The following PDE4B variants were observed in gnomAD, a reference collection of about 807,000 sequenced individuals.
PDE4B encodes phosphodiesterase 4B, also known as 3',5'-cyclic-AMP phosphodiesterase 4B.
A neutral mutation model predicts 82.2 loss-of-function variants in PDE4B; 20 were observed. The ratio of observed to expected loss-of-function variants is 0.24; its 90% CI spans 0.17 to 0.35. The LOEUF (loss-of-function observed/expected upper bound fraction) is 0.35. Ranked by LOEUF, PDE4B falls within the 10% of genes least tolerant of loss-of-function variation. The probability of loss-of-function intolerance (pLI) is 1.00; values close to 1 mark genes in which losing one functional copy is unlikely to be tolerated. For synonymous variants in PDE4B, 320 were observed against 318.9 expected, an observed-to-expected ratio of 1.00 and a Z score of -0.04; for missense variants, 655 against 907.2, an observed-to-expected ratio of 0.72 and a Z score of 3.57.
intron 3 of PDE4B, among the ~76,000 whole-genome samples, chr1:65,952,042 C>T (rs985267241): frequency 6.6e-6 from 1 of 151,960 alleles, no homozygotes; most frequent in African/African-American, 2.4e-5. Flanking sequence ...AAGTGTAGTC[C>T]GCACGTCAGA....
intron 3 of PDE4B, among the ~76,000 whole-genome samples, chr1:66,065,588 T>C (rs1655802658): frequency 6.6e-6 from 1 of 151,846 alleles, no homozygotes; most frequent in Non-Finnish European, 1.5e-5. Context: ...CTTCTTTGAC[T>C]TTCTCTGTGG....
chr1:66,299,604 T>C (rs1461714430), intron 7 of PDE4B, among the ~76,000 whole-genome samples: 1 of 152,206 alleles, frequency 6.6e-6, no homozygotes, highest in African/African-American at 2.4e-5. Flanking sequence ...TGTAATATGG[T>C]AATTCTATTT....
intron 6 of PDE4B, among the ~76,000 whole-genome samples, chr1:66,260,670 T>C (rs960311070): frequency 1.3e-5 from 2 of 152,170 alleles, no homozygotes; most frequent in Non-Finnish European, 2.9e-5. Flanking sequence ...TTTACCTCTG[T>C]TAGTAGTATC....
intron 7 of PDE4B, among the ~76,000 whole-genome samples, chr1:66,288,893 C>G (rs1053288560): frequency 5.3e-5 from 8 of 152,134 alleles, no homozygotes; most frequent in African/African-American, 1.9e-4. Flanking sequence ...TTGTCATGAT[C>G]CAGCTTTTTA....
intron 8 of PDE4B, 100 bp downstream of exon 8, chr1:66,332,720 A>G (rs1037221129): frequency 1.1e-6 from 1 of 877,910 alleles, no homozygotes; most frequent in African/African-American, 1.7e-5. Flanking sequence ...AATGCTACCA[A>G]CTCTAAGAAT....
At chr1:66,339,018 C>CAAAA (rs60064823) in intron 8 of PDE4B, among the ~76,000 whole-genome samples, 4 of 79,786 alleles carry the variant, frequency 5.0e-5, no homozygotes, top group African/African-American at 1.5e-4. Context: ...GACTCCGTCT[C>CAAAA]AAAAAAAAAA....
chr1:66,188,721 T>C (rs868356220), intron 3 of PDE4B, among the ~76,000 whole-genome samples: 2 of 151,874 alleles, frequency 1.3e-5, no homozygotes, highest in Admixed American at 6.6e-5. Flanking sequence ...TTTGAGCCTA[T>C]GTGTGTCTCT....
chr1:65,865,200 A>G (rs1646497384), intron 1 of PDE4B, among the ~76,000 whole-genome samples: 1 of 152,168 alleles, frequency 6.6e-6, no homozygotes, highest in African/African-American at 2.4e-5. Context: ...CGCCTACTCA[A>G]GCCTCAGTAA....
At chr1:66,129,778 G>C (rs1349620260) in intron 3 of PDE4B, among the ~76,000 whole-genome samples, 1 of 151,250 alleles carries the variant, frequency 6.6e-6, no homozygotes, top group Non-Finnish European at 1.5e-5. Flanking sequence ...TGTGTAAAAA[G>C]TGTGTGTGCT....
At chr1:66,059,914 A>C (rs1274251329) in intron 3 of PDE4B, among the ~76,000 whole-genome samples, 2 of 152,194 alleles carry the variant, frequency 1.3e-5, no homozygotes, top group African/African-American at 4.8e-5. Context: ...AATTTAAAAC[A>C]ATTTCTGGCC....
At chr1:65,944,152 G>A (rs1176531157) in intron 3 of PDE4B, among the ~76,000 whole-genome samples, 1 of 151,828 alleles carries the variant, frequency 6.6e-6, no homozygotes, top group Non-Finnish European at 1.5e-5. Flanking sequence ...ACAGTGTGGG[G>A]TACATTACTT....
chr1:66,096,508 T>TTATATATATATATA (rs4068855), intron 3 of PDE4B, among the ~76,000 whole-genome samples: 1,113 of 106,950 alleles, frequency 0.01, 22 homozygotes, highest in South Asian at 0.017. Flanking sequence ...GTAAAAAAAA[T>TTATATATATATATA]TATATATATA....
At chr1:65,939,180 T>C (rs1648311779) in intron 3 of PDE4B, among the ~76,000 whole-genome samples, 1 of 152,100 alleles carries the variant, frequency 6.6e-6, no homozygotes, top group Non-Finnish European at 1.5e-5. Context: ...ATCCATTCTC[T>C]TCTCTCCAGC....
chr1:65,903,815 A>G (rs1190241119), intron 1 of PDE4B, among the ~76,000 whole-genome samples: 1 of 152,118 alleles, frequency 6.6e-6, no homozygotes, highest in Non-Finnish European at 1.5e-5. Flanking sequence ...ATCCCCTGAC[A>G]TTTTAATAGA....
At chr1:65,826,405 C>T (rs537932757) in intron 1 of PDE4B, among the ~76,000 whole-genome samples, 1 of 152,076 alleles carries the variant, frequency 6.6e-6, no homozygotes, top group Non-Finnish European at 1.5e-5. Context: ...TAGTGAAGTC[C>T]CTGGGACCAT....
intron 3 of PDE4B, among the ~76,000 whole-genome samples, chr1:66,006,281 G>A (rs1226355163): frequency 6.6e-6 from 1 of 152,154 alleles, no homozygotes; most frequent in Non-Finnish European, 1.5e-5. Context: ...AGTTAACTCT[G>A]ATGGGTGGCT....
chr1:66,124,942 T>TGTGC (rs773102404), intron 3 of PDE4B, among the ~76,000 whole-genome samples: 2 of 151,494 alleles, frequency 1.3e-5, no homozygotes, highest in Non-Finnish European at 2.9e-5. Context: ...TGTGTGTGTG[T>TGTGC]GCCCTGCGAT....
intron 3 of PDE4B, among the ~76,000 whole-genome samples, chr1:66,202,528 C>G (rs187594545): frequency 7.9e-5 from 12 of 152,212 alleles, no homozygotes; most frequent in Non-Finnish European, 1.8e-4. Context: ...AATCTGGGTG[C>G]GCCTGTATTG....
rs1657061490 is a variant in PDE4B, at chr1:66,087,422, A to C, written c.282-160038A>C. On this transcript the variant is annotated intron_variant, in intron 3 of 16. Transcript: ENST00000341517. Reference sequence around the variant, plus strand: ...CTTTGTCAGATGAGTAGGTTGCGAAAATTTTCTCCCATTTTGTAGATTGCC... The same window carrying C: ...CTTTGTCAGATGAGTAGGTTGCGAACATTTTCTCCCATTTTGTAGATTGCC... Among the ~76,000 whole-genome samples, 4 of 151,978 alleles carry C rather than the reference A, an allele frequency of 2.6e-5. No individual in the cohort carries two copies. In the South Asian group the frequency reaches 8.3e-4, roughly 32 times the overall value.
Sources: gnomAD v4.1 joint callset for allele counts (sites outside exome capture counted in the v4.1 genomes callset) on GRCh38, gnomAD v4.1.1 for gene constraint, MANE v1.5 for transcripts, NCBI Gene and HGNC (gene_info 2026-07-23, HGNC 2026-07-21) for gene names.